KAZN: variants seen among roughly 807,000 people sequenced by gnomAD.
The protein encoded by KAZN is kazrin, periplakin interacting protein, also known as kazrin.
Under a neutral mutation model 87.4 loss-of-function variants are expected in KAZN, and 40 were observed. The ratio of observed to expected loss-of-function variants is 0.46; its 90% CI spans 0.36 to 0.60. The LOEUF (loss-of-function observed/expected upper bound fraction) is 0.60, where lower values mean the gene tolerates loss of function less well. Ranked by LOEUF, KAZN falls within the 20% of genes least tolerant of loss-of-function variation. The probability of loss-of-function intolerance (pLI) is 0.00; values close to 1 mark genes in which losing one functional copy is unlikely to be tolerated. For missense variants in KAZN, 898 were observed against 1,073.9 expected, an observed-to-expected ratio of 0.84 and a Z score of 2.29; for synonymous variants, 466 against 458.3, an observed-to-expected ratio of 1.02 and a Z score of -0.22.
At chr1:14,847,613 C>G (rs748361349) in intron 1 of KAZN, among the ~76,000 whole-genome samples, 3 of 152,186 alleles carry the variant, frequency 2.0e-5, no homozygotes, top group African/African-American at 7.2e-5. Context: ...CCATCAGCCT[C>G]CCCCACCCAA....
chr1:14,640,297 C>T (rs1437739258), intron 1 of KAZN, among the ~76,000 whole-genome samples: 1 of 152,144 alleles, frequency 6.6e-6, no homozygotes, highest in Non-Finnish European at 1.5e-5. Context: ...CTATTGATTC[C>T]ATTGCAGGTG....
intron 2 of KAZN, among the ~76,000 whole-genome samples, chr1:14,991,225 G>A (rs1667323964): frequency 6.6e-6 from 1 of 152,006 alleles, no homozygotes; most frequent in Non-Finnish European, 1.5e-5. Flanking sequence ...GTGGTGGTGG[G>A]CGCCTGTAAT....
At chr1:14,999,264 T>A (rs1177790734) in intron 2 of KAZN, among the ~76,000 whole-genome samples, 1 of 152,220 alleles carries the variant, frequency 6.6e-6, no homozygotes, top group Admixed American at 6.5e-5. Flanking sequence ...GGTGGATTGG[T>A]TGGAATCCCA....
chr1:14,627,600 A>T (rs775681045), intron 1 of KAZN, among the ~76,000 whole-genome samples: 3 of 152,148 alleles, frequency 2.0e-5, no homozygotes, highest in Non-Finnish European at 2.9e-5. Context: ...TGGTTTGCTC[A>T]CCATTGTATT....
chr1:14,376,782 T>C (rs1398579418), intron 2 of KAZN, among the ~76,000 whole-genome samples: 1 of 152,158 alleles, frequency 6.6e-6, no homozygotes, highest in Non-Finnish European at 1.5e-5. Flanking sequence ...ATGAAACATA[T>C]AGTAAGTGTT....
chr1:14,254,790 G>A (rs1463878279), intron 2 of KAZN, among the ~76,000 whole-genome samples: 3 of 152,044 alleles, frequency 2.0e-5, no homozygotes, highest in African/African-American at 4.8e-5. Flanking sequence ...GAGCTTCTGC[G>A]GGAAGCCTCA....
chr1:14,995,610 T>A (rs1667783636), intron 2 of KAZN, among the ~76,000 whole-genome samples: 1 of 147,912 alleles, frequency 6.8e-6, no homozygotes. Context: ...GGCGACAGAG[T>A]GAGACTCCAC....
chr1:14,986,002 CAAAAA>C (rs56725513), intron 2 of KAZN, among the ~76,000 whole-genome samples: 12 of 56,740 alleles, frequency 2.1e-4, no homozygotes, highest in East Asian at 4.7e-4. Flanking sequence ...GACTCTGTCT[CAAAAA>C]AAAAAAAAAA....
chr1:14,364,134 T>C (rs1347913864), intron 2 of KAZN, among the ~76,000 whole-genome samples: 2 of 152,184 alleles, frequency 1.3e-5, no homozygotes, highest in Non-Finnish European at 2.9e-5. Flanking sequence ...GACAGGATCA[T>C]GGAGGTCATG....
intron 1 of KAZN, among the ~76,000 whole-genome samples, chr1:14,053,049 G>A (rs555851554): frequency 1.1e-4 from 16 of 152,312 alleles, no homozygotes; most frequent in African/African-American, 3.9e-4. Flanking sequence ...GTAGAACACA[G>A]CGAAGGTGGT....
chr1:14,509,716 T>C (rs1670801067), intron 2 of KAZN, among the ~76,000 whole-genome samples: 1 of 152,082 alleles, frequency 6.6e-6, no homozygotes, highest in Non-Finnish European at 1.5e-5. Context: ...CCCCTTTTCC[T>C]GGAAGAGGCA....
At chr1:14,770,086 T>C (rs1249947155) in intron 1 of KAZN, among the ~76,000 whole-genome samples, 2 of 151,990 alleles carry the variant, frequency 1.3e-5, no homozygotes, top group Admixed American at 1.3e-4. Flanking sequence ...CAAGAAATCA[T>C]GGGAAAGAGT....
chr1:14,632,708 G>T (rs972963480), intron 1 of KAZN, among the ~76,000 whole-genome samples: 1 of 151,840 alleles, frequency 6.6e-6, no homozygotes. Context: ...AACTGAGACC[G>T]CAAGTGTAAA....
At chr1:13,952,116 G>A (rs571532068) in intron 1 of KAZN, among the ~76,000 whole-genome samples, 4 of 152,178 alleles carry the variant, frequency 2.6e-5, no homozygotes, top group African/African-American at 9.6e-5. Context: ...TCTTATTTGA[G>A]CAGGAAAAGG....
chr1:13,897,175 C>A (rs1359002878), intron 1 of KAZN, among the ~76,000 whole-genome samples: 1 of 151,990 alleles, frequency 6.6e-6, no homozygotes, highest in South Asian at 2.1e-4. Flanking sequence ...ATTTTGTCTG[C>A]GGCTGCTTTT....
intron 1 of KAZN, among the ~76,000 whole-genome samples, chr1:13,948,752 G>A (rs1388320146): frequency 6.6e-6 from 1 of 151,994 alleles, no homozygotes; most frequent in Non-Finnish European, 1.5e-5. Context: ...CCATCTCCTG[G>A]TTTTCATTCT....
chr1:14,672,365 T>C (rs1639966172), intron 1 of KAZN, among the ~76,000 whole-genome samples: 1 of 152,216 alleles, frequency 6.6e-6, no homozygotes, highest in African/African-American at 2.4e-5. Flanking sequence ...TGGGTTTTAA[T>C]GTGGACAGGT....
At chr1:15,064,590 A>T (rs1043046785) in intron 7 of KAZN, among the ~76,000 whole-genome samples, 9 of 152,226 alleles carry the variant, frequency 5.9e-5, no homozygotes, top group Non-Finnish European at 1.2e-4. Context: ...CACAGACAAG[A>T]AAACGTCTCA....
intron 1 of KAZN, among the ~76,000 whole-genome samples, chr1:13,908,056 G>C (rs1483284780): frequency 6.6e-6 from 1 of 152,226 alleles, no homozygotes. Context: ...TTTGCTGTCA[G>C]CTGGCCTGCA....
Sources: gnomAD v4.1 joint callset for allele counts (sites outside exome capture counted in the v4.1 genomes callset) on GRCh38, gnomAD v4.1.1 for gene constraint, MANE v1.5 for transcripts, NCBI Gene and HGNC (gene_info 2026-07-23, HGNC 2026-07-21) for gene names.